The following LINGO2 variants were observed in gnomAD, a reference collection of about 807,000 sequenced individuals.
The protein encoded by LINGO2 is leucine-rich repeat and immunoglobulin-like domain-containing nogo receptor-interacting protein 2.
LINGO2 carries 14 observed loss-of-function variants against 30.6 expected under a neutral mutation model. That is an observed-to-expected ratio of 0.46 (90% CI 0.30 to 0.72). The LOEUF (loss-of-function observed/expected upper bound fraction) is 0.72. Among genes scored for constraint, LINGO2 ranks in the 30% least tolerant of loss-of-function variants. The pLI is 0.07. For synonymous variants in LINGO2, 317 were observed against 288.5 expected (o/e 1.10, Z -1.00); for missense variants, 729 against 751.7 (o/e 0.97, Z 0.35).
chr9:28,325,101 C>G (rs908615593), intron 3 of LINGO2, among the ~76,000 whole-genome samples: 2 of 151,792 alleles, frequency 1.3e-5, no homozygotes, highest in African/African-American at 4.8e-5. Flanking sequence ...CCCTACCTAT[C>G]CCCCATCTCT....
intron 1 of LINGO2, among the ~76,000 whole-genome samples, chr9:28,546,052 C>T (rs993623155): frequency 3.3e-5 from 5 of 152,012 alleles, no homozygotes; most frequent in African/African-American, 1.2e-4. Flanking sequence ...AAGACAAATA[C>T]TTCATGATCT....
rs1261467734 is a variant in LINGO2, at chr9:28,266,225, G to A, written c.-87+28983C>T. On this transcript the variant is annotated intron_variant, in intron 4 of 5. Transcript: ENST00000379992. Reference sequence around the variant, plus strand: ...CCCCATTTGATGAAGTACCCCCAGAGGTCCATTTACTTTGGGATATTGTAA... The same window carrying A: ...CCCCATTTGATGAAGTACCCCCAGAAGTCCATTTACTTTGGGATATTGTAA... Among the ~76,000 whole-genome samples, 4 of 151,844 alleles carry A rather than the reference G, an allele frequency of 2.6e-5. 1 individual carries two copies. The highest frequency in any genetic ancestry group is 5.9e-5 in the Non-Finnish European group (4 of 67,920).
the LINGO2 span, among the ~76,000 whole-genome samples, chr9:29,044,728 AG>A: frequency 6.6e-6 from 1 of 151,950 alleles, no homozygotes; most frequent in Non-Finnish European, 1.5e-5. Context: ...AATAAAATAT[AG>A]AAGTCCCTCC....
intron 4 of LINGO2, among the ~76,000 whole-genome samples, chr9:28,060,526 G>A (rs1452177032): frequency 6.6e-6 from 1 of 152,136 alleles, no homozygotes; most frequent in Non-Finnish European, 1.5e-5. Context: ...AACACGCTAA[G>A]TTCACAAAGC....
Position 28,147,435 on chromosome 9 carries a change from T to C in LINGO2, c.-86-135030A>G, listed in dbSNP as rs4007454. 0.99 allele frequency among the ~76,000 whole-genome samples: 151,030 copies of C among 152,284 alleles called. 74,910 individuals carry two copies. The highest frequency in any genetic ancestry group is 1 in the Middle Eastern group (294 of 294). ...ACCGCGTTCTCTCTTTGGAAACCTG[T>C]GGAGCGAGGCTGGTGGCCCTTGAGG... On this transcript the variant is annotated intron_variant, in intron 4 of 5. Coordinates refer to ENST00000379992, the Ensembl canonical transcript of LINGO2. This position sits in a 1 kb window ranked among gnomAD's most constrained non-coding sequence, Gnocchi z 4.7.
At chr9:28,823,762 G>A in the LINGO2 span, among the ~76,000 whole-genome samples, 2 of 152,130 alleles carry the variant, frequency 1.3e-5, no homozygotes, top group Admixed American at 1.3e-4. Context: ...CAGTGTACAA[G>A]ATGAAGCTTA....
chr9:28,746,268 G>A, the LINGO2 span, among the ~76,000 whole-genome samples: 13 of 151,944 alleles, frequency 8.6e-5, no homozygotes, highest in South Asian at 2.5e-3. Context: ...TTAGGTAACA[G>A]CTATTCTTTA....
chr9:28,495,620 G>C (rs56373320), intron 1 of LINGO2, among the ~76,000 whole-genome samples: 27,742 of 151,912 alleles, frequency 0.18, 2,890 homozygotes, highest in East Asian at 0.31. Context: ...GTTACTGTAG[G>C]CTTGTAGTAT....
the LINGO2 span, among the ~76,000 whole-genome samples, chr9:28,688,432 C>T: frequency 6.6e-6 from 1 of 152,142 alleles, no homozygotes; most frequent in Non-Finnish European, 1.5e-5. Context: ...AGTGACTAAA[C>T]ATAATCTACT....
chr9:28,512,458 G>A (rs1024685764), intron 1 of LINGO2, among the ~76,000 whole-genome samples: 13 of 151,362 alleles, frequency 8.6e-5, no homozygotes, highest in African/African-American at 3.2e-4. Context: ...TGGGTCATAC[G>A]GCCCAAGTGG....
the LINGO2 span, among the ~76,000 whole-genome samples, chr9:28,723,191 A>T: frequency 6.6e-6 from 1 of 152,214 alleles, no homozygotes; most frequent in East Asian, 1.9e-4. Context: ...GACTCAGTAA[A>T]TGTTAGGTAG....
the LINGO2 span, among the ~76,000 whole-genome samples, chr9:29,102,500 T>A: frequency 1.3e-5 from 2 of 152,222 alleles, no homozygotes; most frequent in African/African-American, 4.8e-5. Context: ...TTTTCACTTG[T>A]CAAGAATTTG....
chr9:28,393,802 C>G (rs1320748999), intron 2 of LINGO2, among the ~76,000 whole-genome samples: 3 of 152,106 alleles, frequency 2.0e-5, no homozygotes, highest in Non-Finnish European at 1.5e-5. Flanking sequence ...GTCAAAGGTG[C>G]CAGGGAATTA....
chr9:28,494,448 T>C (rs1004196000), intron 1 of LINGO2, among the ~76,000 whole-genome samples: 7 of 152,234 alleles, frequency 4.6e-5, no homozygotes, highest in African/African-American at 1.7e-4. Context: ...GTTCCCACTT[T>C]TGAGTGAGAA....
At chr9:28,918,122 A>C in the LINGO2 span, among the ~76,000 whole-genome samples, 1 of 152,196 alleles carries the variant, frequency 6.6e-6, no homozygotes, top group South Asian at 2.1e-4. Flanking sequence ...GGGAAGAAAA[A>C]AGGCTTAATC....
At chr9:28,254,603 G>A (rs987516119) in intron 4 of LINGO2, among the ~76,000 whole-genome samples, 1 of 151,960 alleles carries the variant, frequency 6.6e-6, no homozygotes, top group African/African-American at 2.4e-5. Flanking sequence ...CCATGAGAAG[G>A]TTCACTTCCA....
At chr9:28,267,706 A>G (rs976703589) in intron 4 of LINGO2, among the ~76,000 whole-genome samples, 7 of 151,898 alleles carry the variant, frequency 4.6e-5, no homozygotes, top group Non-Finnish European at 8.8e-5. Flanking sequence ...AACACCACAA[A>G]TGGACTTTCT....
At chr9:28,829,389 G>A in the LINGO2 span, among the ~76,000 whole-genome samples, 1 of 152,156 alleles carries the variant, frequency 6.6e-6, no homozygotes, top group Non-Finnish European at 1.5e-5. Context: ...TTGTCACACT[G>A]ATCCTCTGCC....
chr9:28,592,110 G>A (rs1390570489), intron 1 of LINGO2, among the ~76,000 whole-genome samples: 1 of 151,996 alleles, frequency 6.6e-6, no homozygotes, highest in Non-Finnish European at 1.5e-5. Flanking sequence ...GATATTTTTT[G>A]TTCCTAGTGT....
Sources: allele counts gnomAD v4.1 joint callset (sites outside exome capture counted in the v4.1 genomes callset), GRCh38; gene constraint gnomAD v4.1.1; non-coding constraint Gnocchi (gnomAD v3.1); transcripts MANE v1.5; gene names NCBI Gene and HGNC (gene_info 2026-07-23, HGNC 2026-07-21).